The following SCHIP1 variants were observed in gnomAD, a reference collection of about 807,000 sequenced individuals.
SCHIP1 encodes schwannomin-interacting protein 1.
Under a neutral mutation model 29.7 loss-of-function variants are expected in SCHIP1, and 8 were observed. The observed-to-expected ratio is 0.27, with a 90% CI of 0.16 to 0.49. The LOEUF is 0.49. Among genes scored for constraint, SCHIP1 ranks in the 20% least tolerant of loss-of-function variants. The pLI is 0.99. For synonymous variants in SCHIP1, 76 were observed against 94.9 expected (o/e 0.80, Z 1.16); for missense variants, 193 against 294.6 (o/e 0.66, Z 2.52).
At chr3:159,708,810 G>A in the SCHIP1 span, among the ~76,000 whole-genome samples, 5 of 152,232 alleles carry the variant, frequency 3.3e-5, no homozygotes, top group Non-Finnish European at 1.5e-5. Flanking sequence ...ATGGAAGTAG[G>A]ACCACCTAAC....
chr3:159,585,255 T>C, the SCHIP1 span, among the ~76,000 whole-genome samples: 2 of 152,096 alleles, frequency 1.3e-5, no homozygotes, highest in East Asian at 3.9e-4. Flanking sequence ...GTGCCTGGAA[T>C]AACATTTAAC....
At chr3:159,731,370 G>A in the SCHIP1 span, among the ~76,000 whole-genome samples, 50 of 152,256 alleles carry the variant, frequency 3.3e-4, no homozygotes, top group East Asian at 1.9e-4. Flanking sequence ...GCACATCCTC[G>A]TCCCTGCCAG....
chr3:159,366,549 A>G, the SCHIP1 span, among the ~76,000 whole-genome samples: 1 of 150,540 alleles, frequency 6.6e-6, no homozygotes, highest in African/African-American at 2.5e-5. Flanking sequence ...AGTTAATAAT[A>G]TCCACTTCAC....
At chr3:159,695,976 A>AC in the SCHIP1 span, among the ~76,000 whole-genome samples, 1 of 151,700 alleles carries the variant, frequency 6.6e-6, no homozygotes, top group African/African-American at 2.4e-5. Flanking sequence ...GCCCTACCGC[A>AC]CCCCCCACCA....
chr3:159,585,210 A>G, the SCHIP1 span, among the ~76,000 whole-genome samples: 1 of 151,888 alleles, frequency 6.6e-6, no homozygotes, highest in African/African-American at 2.4e-5. Context: ...CAGAATATTA[A>G]CTCCACAAGG....
the SCHIP1 span, among the ~76,000 whole-genome samples, chr3:159,496,489 A>C: frequency 2.6e-5 from 4 of 152,208 alleles, no homozygotes; most frequent in Non-Finnish European, 5.9e-5. Flanking sequence ...ATGCAGCCAA[A>C]AAACACATGA....
At chr3:159,549,281 C>T in the SCHIP1 span, among the ~76,000 whole-genome samples, 1 of 152,146 alleles carries the variant, frequency 6.6e-6, no homozygotes, top group East Asian at 1.9e-4. Flanking sequence ...TAACTCCGTT[C>T]TCTGATTCTT....
the SCHIP1 span, among the ~76,000 whole-genome samples, chr3:159,623,423 C>T: frequency 2.0e-4 from 30 of 152,190 alleles, 1 homozygote; most frequent in African/African-American, 6.5e-4. Flanking sequence ...GTTAGGAGTT[C>T]GAGACCAGCT....
the SCHIP1 span, among the ~76,000 whole-genome samples, chr3:159,604,875 C>T: frequency 6.6e-6 from 1 of 152,158 alleles, no homozygotes. Context: ...GCCCAAGAAA[C>T]TAATTTCTCA....
the SCHIP1 span, among the ~76,000 whole-genome samples, chr3:159,810,585 G>C: frequency 6.6e-6 from 1 of 152,018 alleles, no homozygotes; most frequent in Non-Finnish European, 1.5e-5. Flanking sequence ...TTTACATCTG[G>C]CTTCTTTCAC....
chr3:159,648,281 A>G, the SCHIP1 span, among the ~76,000 whole-genome samples: 5 of 152,278 alleles, frequency 3.3e-5, no homozygotes, highest in East Asian at 9.7e-4. Flanking sequence ...CATCTGCCTG[A>G]CATTCAGGCA....
the SCHIP1 span, among the ~76,000 whole-genome samples, chr3:159,357,835 G>A: frequency 6.6e-6 from 1 of 152,278 alleles, no homozygotes; most frequent in East Asian, 1.9e-4. Context: ...CACTCCCCTT[G>A]GAGTCTTACC....
the SCHIP1 span, among the ~76,000 whole-genome samples, chr3:159,434,585 C>T: frequency 1.3e-5 from 2 of 152,098 alleles, no homozygotes; most frequent in Admixed American, 1.3e-4. Context: ...CCCATCATCT[C>T]CAAAAGCAGG....
chr3:159,797,071 C>T, the SCHIP1 span, among the ~76,000 whole-genome samples: 1 of 152,166 alleles, frequency 6.6e-6, no homozygotes, highest in Non-Finnish European at 1.5e-5. Flanking sequence ...ACATAAAGGA[C>T]TGTGTTTTTT....
At chr3:159,323,756 G>GCTGGCAGAGTATCAAAGC in the SCHIP1 span, among the ~76,000 whole-genome samples, 2 of 152,166 alleles carry the variant, frequency 1.3e-5, no homozygotes. Flanking sequence ...AGTATCAAAG[G>GCTGGCAGAGTATCAAAGC]CTGGCAGAGG....
chr3:159,777,469 C>T, the SCHIP1 span, among the ~76,000 whole-genome samples: 3 of 152,080 alleles, frequency 2.0e-5, no homozygotes, highest in African/African-American at 4.8e-5. Context: ...AAACAAGACC[C>T]ACTACACACC....
chr3:159,646,917 G>C, the SCHIP1 span, among the ~76,000 whole-genome samples: 1 of 152,074 alleles, frequency 6.6e-6, no homozygotes, highest in East Asian at 1.9e-4. Context: ...GGGTACCTAG[G>C]CAGTGCACCA....
chr3:159,704,132 A>G, the SCHIP1 span, among the ~76,000 whole-genome samples: 1 of 152,144 alleles, frequency 6.6e-6, no homozygotes, highest in Non-Finnish European at 1.5e-5. Context: ...ACATGAATAT[A>G]TCCATACTAA....
the SCHIP1 span, among the ~76,000 whole-genome samples, chr3:159,608,245 C>T: frequency 6.6e-6 from 1 of 152,148 alleles, no homozygotes; most frequent in African/African-American, 2.4e-5. Flanking sequence ...AAAGTAAAAT[C>T]TCAATTCACA....
Sources: allele counts gnomAD v4.1 joint callset (sites outside exome capture counted in the v4.1 genomes callset), GRCh38; gene constraint gnomAD v4.1.1; transcripts MANE v1.5; gene names NCBI Gene and HGNC (gene_info 2026-07-23, HGNC 2026-07-21).